Variants in MRPS6 observed in about 807,000 individuals in gnomAD.
MRPS6 encodes the protein mitochondrial ribosomal protein S6, also known as small ribosomal subunit protein bS6m.
In MRPS6, 6 loss-of-function variants were observed where a neutral mutation model predicts 13.1. The ratio of observed to expected loss-of-function variants is 0.46; its 90% CI spans 0.25 to 0.91. The LOEUF (loss-of-function observed/expected upper bound fraction) is 0.91, where lower values mean the gene tolerates loss of function less well. Ranked by LOEUF, MRPS6 falls within the 40% of genes least tolerant of loss-of-function variation. The pLI is 0.18. For synonymous variants in MRPS6, 61 were observed against 56.5 expected (o/e 1.08, Z -0.36); for missense variants, 164 against 155.6 (o/e 1.05, Z -0.29).
chr21:34,115,418 C>T (rs911767038), intron 1 of MRPS6, among the ~76,000 whole-genome samples: 5 of 152,276 alleles, frequency 3.3e-5, no homozygotes, highest in Middle Eastern at 3.4e-3. Flanking sequence ...TGTCCTATCA[C>T]GTCTTTTTGG....
intron 1 of MRPS6, chr21:34,097,170 A>G: frequency 6.2e-7 from 1 of 1,614,120 alleles, no homozygotes; most frequent in Non-Finnish European, 8.5e-7. Flanking sequence ...CTGGAAGTTC[A>G]TAGACTGGTT....
At chr21:34,092,632 C>T (rs1174258137) in intron 1 of MRPS6, among the ~76,000 whole-genome samples, 4 of 152,214 alleles carry the variant, frequency 2.6e-5, no homozygotes, top group Admixed American at 1.3e-4. Flanking sequence ...TCAGATTTGA[C>T]AATGAAGAAC....
At chr21:34,077,011 A>G (rs553192611) in intron 1 of MRPS6, among the ~76,000 whole-genome samples, 1 of 152,296 alleles carries the variant, frequency 6.6e-6, no homozygotes, top group South Asian at 2.1e-4. Context: ...TGGAAAAAGA[A>G]ATGGATTGCC....
intron 1 of MRPS6, among the ~76,000 whole-genome samples, chr21:34,078,396 A>G (rs907097494): frequency 1.6e-4 from 25 of 152,160 alleles, no homozygotes; most frequent in Admixed American, 9.2e-4. Flanking sequence ...GGTACAAGGA[A>G]TGGCTTGGGG....
chr21:34,126,345 A>G (rs1980304067), intron 2 of MRPS6, among the ~76,000 whole-genome samples: 1 of 152,234 alleles, frequency 6.6e-6, no homozygotes, highest in African/African-American at 2.4e-5. Context: ...TGTCTTGTGC[A>G]GGTACAGTAC....
intron 2 of MRPS6, chr21:34,135,775 A>G (rs1346486077): frequency 1.2e-5 from 6 of 494,310 alleles, no homozygotes; most frequent in Admixed American, 2.3e-5. Flanking sequence ...ATACTTGATG[A>G]TGCGCACAGT....
At chr21:34,142,298 T>G (rs1602974401) in intron 2 of MRPS6, 110 bp from the exon 3 acceptor site, 6 of 1,184,850 alleles carry the variant, frequency 5.1e-6, no homozygotes, top group South Asian at 3.6e-5. Context: ...ATGTGTGTGT[T>G]TGTGTGTAGT....
chr21:34,139,744 A>G (rs1285692747), intron 2 of MRPS6, among the ~76,000 whole-genome samples: 8 of 152,030 alleles, frequency 5.3e-5, no homozygotes, highest in African/African-American at 1.9e-4. Context: ...TGCCTGGCTA[A>G]TTTTTGTAGT....
At position 34,142,757 on chromosome 21, in the gene MRPS6, T is replaced by TAATGATACG; in HGVS notation, c.*157_*158insAATGATACG. 1.2e-6 allele frequency: 1 copy of TAATGATACG among 822,120 alleles called. No individual in the cohort carries two copies. Among genetic ancestry groups the TAATGATACG allele is most frequent in the Non-Finnish European group, 1.7e-6 (1 of 572,966 alleles). The allele number at this position is 822,120 out of a possible 1,614,324, so 50.9% of individuals were successfully genotyped here. A position where few individuals can be genotyped will look rare whatever the true frequency, so the allele number is the denominator to read the frequency against. On this transcript the variant is annotated 3_prime_UTR_variant, in exon 3 of 3. Transcript: ENST00000399312. ...TTTTTAGCCCTTGATCCCCTTTGCT[T>TAATGATACG]GCGAGAGGTGGGGAACTGCTCACTG...
intron 1 of MRPS6, among the ~76,000 whole-genome samples, chr21:34,116,512 T>C (rs1979917233): frequency 6.6e-6 from 1 of 151,978 alleles, no homozygotes; most frequent in Non-Finnish European, 1.5e-5. Flanking sequence ...TCATTCACTA[T>C]CCTAATAACT....
intron 1 of MRPS6, among the ~76,000 whole-genome samples, chr21:34,076,899 C>T (rs1989344910): frequency 2.0e-5 from 3 of 152,186 alleles, no homozygotes; most frequent in Non-Finnish European, 4.4e-5. Context: ...CTGGAAAACA[C>T]AGTATTCAAA....
intron 1 of MRPS6, among the ~76,000 whole-genome samples, chr21:34,087,520 G>GT (rs1226082859): frequency 5.3e-5 from 8 of 152,318 alleles, no homozygotes; most frequent in Admixed American, 4.6e-4. Context: ...CAGAAGAAAC[G>GT]TTTAAGTTTT....
chr21:34,097,437 C>T (rs918587037), intron 1 of MRPS6: 3 of 1,505,096 alleles, frequency 2.0e-6, no homozygotes, highest in South Asian at 1.4e-5. Flanking sequence ...GTGCATCTCT[C>T]AGGCATTGTT....
chr21:34,137,266 TGG>T (rs1241628873), intron 2 of MRPS6, among the ~76,000 whole-genome samples: 1 of 152,218 alleles, frequency 6.6e-6, no homozygotes, highest in Non-Finnish European at 1.5e-5. Flanking sequence ...TTGTTTAACT[TGG>T]AGAGGGTTGA....
intron 2 of MRPS6, among the ~76,000 whole-genome samples, chr21:34,141,730 T>C (rs1230568690): frequency 7.2e-5 from 11 of 152,206 alleles, no homozygotes; most frequent in Non-Finnish European, 1.3e-4. Context: ...ATGGGCTCTT[T>C]CCTTGCACTG....
At chr21:34,076,638 G>T (rs1232839021) in intron 1 of MRPS6, among the ~76,000 whole-genome samples, 1 of 152,144 alleles carries the variant, frequency 6.6e-6, no homozygotes, top group Non-Finnish European at 1.5e-5. Flanking sequence ...AAAAAAGTGT[G>T]TATATAAAAA....
chr21:34,131,191 T>C (rs1267562681), intron 2 of MRPS6, among the ~76,000 whole-genome samples: 2 of 152,252 alleles, frequency 1.3e-5, no homozygotes, highest in East Asian at 3.8e-4. Flanking sequence ...CTTTGGGGCA[T>C]GTCTAGTCAG....
chr21:34,078,263 C>T (rs1471826830), intron 1 of MRPS6, among the ~76,000 whole-genome samples: 1 of 152,032 alleles, frequency 6.6e-6, no homozygotes, highest in Non-Finnish European at 1.5e-5. Context: ...TAATGGAAGA[C>T]TTGACCCTGT....
At position 34,120,611 on chromosome 21, in the gene MRPS6, T is replaced by G. The variant is rs1489539920; in HGVS notation, c.46-4730T>G. 2.0e-5 allele frequency among the ~76,000 whole-genome samples: 3 copies of G among 152,330 alleles called. No homozygotes were observed. In the South Asian group the frequency reaches 6.2e-4, roughly 32 times the overall value. ...GGATTAATTACCTTTTTTATAAGTA[T>G]TATACTATTTCGTTAAATTTTTGGA... On this transcript the variant is annotated intron_variant, in intron 1 of 2. Coordinates refer to ENST00000399312, the MANE Select transcript of MRPS6 (RefSeq NM_032476.4).
Sources: allele counts gnomAD v4.1 joint callset (sites outside exome capture counted in the v4.1 genomes callset), GRCh38; gene constraint gnomAD v4.1.1; transcripts MANE v1.5; gene names NCBI Gene and HGNC (gene_info 2026-07-23, HGNC 2026-07-21).